KLHL14: variants seen among roughly 807,000 people sequenced by gnomAD.
KLHL14 encodes kelch like family member 14.
In KLHL14, 22 loss-of-function variants were observed where a neutral mutation model predicts 64.3. The ratio of observed to expected loss-of-function variants is 0.34; its 90% confidence interval spans 0.24 to 0.49. The LOEUF (loss-of-function observed/expected upper bound fraction) is 0.49. Ranked by LOEUF, KLHL14 falls within the 20% of genes least tolerant of loss-of-function variation. The probability of loss-of-function intolerance (pLI) is 0.99; values close to 1 mark genes in which losing one functional copy is unlikely to be tolerated. For synonymous variants in KLHL14, 322 were observed against 333.4 expected, an observed-to-expected ratio of 0.97 and a Z score of 0.37; for missense variants, 661 against 789.0, an observed-to-expected ratio of 0.84 and a Z score of 1.94.
chr18:32,687,863 C>G (rs1598549075), intron 4 of KLHL14, among the ~76,000 whole-genome samples: 3 of 152,166 alleles, frequency 2.0e-5, no homozygotes, highest in African/African-American at 7.2e-5. Context: ...ATAGCAGCCA[C>G]TACAAAAAGA....
chr18:32,674,781 G>A lies in KLHL14; in HGVS notation c.1763C>T (p.Ser588Phe), dbSNP rs1555659800. The change falls in exon 9 of 9, where the codon TCT (serine) becomes TTT (phenylalanine). Residue 588 changes from serine to phenylalanine, a missense_variant. Around this residue, in one of 2 missense-constraint regions of KLHL14, gnomAD observed 330 missense variants for 450.0 expected, o/e 0.73. Coordinates refer to ENST00000359358, the MANE Select transcript of KLHL14 (RefSeq NM_020805.3). The stretch of plus-strand genomic sequence containing the variant: ...TTTCTCTGGACAATAGCATATTGTA[G>A]ATGACTTGTAGGCCCCCTGTAATGA... ...YSWSMGAYKSSTICYCPEKGT... is the reference protein window; with the variant it reads ...YSWSMGAYKSFTICYCPEKGT... 1.3e-6 allele frequency: 1 copy of A among 780,728 alleles called. No individual in the cohort carries two copies. Among genetic ancestry groups the A allele is most frequent in the Non-Finnish European group, 2.4e-6 (1 of 417,986 alleles). 48.4% of individuals were successfully genotyped at this position (780,728 alleles called of 1,614,324 possible).
At chr18:32,677,125 G>T (rs758574436) in intron 8 of KLHL14, 48 bp downstream of exon 8, 13 of 1,574,282 alleles carry the variant, frequency 8.3e-6, no homozygotes, top group Non-Finnish European at 1.0e-5. Context: ...TACAGAAAAC[G>T]TAAGCACAAA....
intron 3 of KLHL14, among the ~76,000 whole-genome samples, chr18:32,718,390 G>A (rs542672584): frequency 1.3e-5 from 2 of 152,120 alleles, no homozygotes; most frequent in Non-Finnish European, 2.9e-5. Flanking sequence ...CATCACATTT[G>A]TATGTTGTTT....
chr18:32,718,342 G>A (rs771128515), intron 3 of KLHL14, among the ~76,000 whole-genome samples: 30 of 152,108 alleles, frequency 2.0e-4, no homozygotes, highest in Admixed American at 3.3e-4. Flanking sequence ...ATTCTGCCCT[G>A]TTTACATTAT....
rs960687690 is a variant in KLHL14, at chr18:32,673,325, G to C, written c.*1332C>G. On this transcript the variant is annotated 3_prime_UTR_variant, in exon 9 of 9. Coordinates refer to ENST00000359358, the MANE Select transcript of KLHL14 (RefSeq NM_020805.3). ...AAGGATTCAACACCATCTCTGGATGGTTAAAATATATTTTAGGCTTTTATT... is the reference window on the plus strand; with the variant it reads ...AAGGATTCAACACCATCTCTGGATGCTTAAAATATATTTTAGGCTTTTATT... The C allele has an allele frequency of 2.0e-5, 3 of 152,410 alleles. No homozygotes were observed. Among genetic ancestry groups the C allele is most frequent in the African/African-American group, 7.2e-5 (3 of 41,540 alleles). The allele number at this position is 152,410 out of a possible 1,614,324, so 9.4% of individuals were successfully genotyped here. A position where few individuals can be genotyped will look rare whatever the true frequency, so the allele number is the denominator to read the frequency against.
chr18:32,747,039 T>C (rs1006898150), intron 2 of KLHL14, among the ~76,000 whole-genome samples: 3 of 152,256 alleles, frequency 2.0e-5, no homozygotes, highest in African/African-American at 7.2e-5. Context: ...CTGATAGTTT[T>C]TTAAACAAGT....
chr18:32,686,053 C>G (rs2049876318), intron 5 of KLHL14, among the ~76,000 whole-genome samples: 1 of 150,252 alleles, frequency 6.7e-6, no homozygotes, highest in Non-Finnish European at 1.5e-5. Flanking sequence ...ACTTTGTTGC[C>G]CAGGCTGGAG....
intron 3 of KLHL14, among the ~76,000 whole-genome samples, chr18:32,726,399 G>A (rs532392356): frequency 3.9e-5 from 6 of 152,226 alleles, no homozygotes; most frequent in Admixed American, 6.5e-5. Context: ...AGAGGTGGGC[G>A]GATCACTTAA....
At chr18:32,713,849 A>G (rs923488020) in intron 3 of KLHL14, among the ~76,000 whole-genome samples, 2 of 152,188 alleles carry the variant, frequency 1.3e-5, no homozygotes, top group African/African-American at 4.8e-5. Flanking sequence ...TTTTGCTGTT[A>G]TAAACAACAC....
At chr18:32,684,807 C>T (rs2049864316) in intron 5 of KLHL14, among the ~76,000 whole-genome samples, 1 of 151,690 alleles carries the variant, frequency 6.6e-6, no homozygotes, top group African/African-American at 2.4e-5. Flanking sequence ...CTTTTTCCTC[C>T]TTTTTTAAAC....
In KLHL14 at chr18:32,680,160, A is replaced by G; in HGVS notation, c.1588+9T>C. 2 of 1,612,404 alleles carry G rather than the reference A, an allele frequency of 1.2e-6. No individual in the cohort carries two copies. Among genetic ancestry groups the G allele is most frequent in the Non-Finnish European group, 8.5e-7 (1 of 1,178,958 alleles). On this transcript the variant is annotated intron_variant, in intron 7 of 8. Transcript: ENST00000359358. The surrounding 1 kb of genome is among the most constrained non-coding windows in gnomAD (Gnocchi z 4.8). ...TTGTGACTAAAAAACAAAACAACAAAAAAAAGACCTTTCAAATGATTTCCT... is the reference window on the plus strand; with the variant it reads ...TTGTGACTAAAAAACAAAACAACAAGAAAAAGACCTTTCAAATGATTTCCT...
At chr18:32,704,913 G>A (rs1193343061) in intron 3 of KLHL14, among the ~76,000 whole-genome samples, 1 of 152,190 alleles carries the variant, frequency 6.6e-6, no homozygotes, top group Non-Finnish European at 1.5e-5. Context: ...AGGATACAGA[G>A]TACTCCAGGT....
chr18:32,731,310 CTTTCTA>C (rs1598567633), intron 3 of KLHL14, among the ~76,000 whole-genome samples: 1 of 152,126 alleles, frequency 6.6e-6, no homozygotes, highest in African/African-American at 2.4e-5. Flanking sequence ...CCAAAATTAT[CTTTCTA>C]TTTGTTTTGT....
chr18:32,701,686 G>A (rs1022482186), intron 3 of KLHL14, among the ~76,000 whole-genome samples: 1 of 152,158 alleles, frequency 6.6e-6, no homozygotes, highest in Non-Finnish European at 1.5e-5. Context: ...GTTGTAGGAG[G>A]GAAAGAAGGA....
chr18:32,724,292 T>C (rs1186929686), intron 3 of KLHL14, among the ~76,000 whole-genome samples: 1 of 152,082 alleles, frequency 6.6e-6, no homozygotes, highest in Non-Finnish European at 1.5e-5. Context: ...TTATTAAGGG[T>C]GAACCAATAA....
chr18:32,736,727 T>C (rs116584539), intron 3 of KLHL14, among the ~76,000 whole-genome samples: 1,671 of 152,206 alleles, frequency 0.011, 18 homozygotes, highest in African/African-American at 0.032. Context: ...TACTCCCTCT[T>C]GTCTTTTGGC....
intron 3 of KLHL14, among the ~76,000 whole-genome samples, chr18:32,728,998 A>G (rs2050121283): frequency 6.6e-6 from 1 of 152,224 alleles, no homozygotes; most frequent in Non-Finnish European, 1.5e-5. Context: ...TGAGAGAATG[A>G]ATTTCCATTG....
chr18:32,683,974 T>C lies in KLHL14; in HGVS notation c.1238+3181A>G, dbSNP rs1193297994. Among the ~76,000 whole-genome samples the C allele has an allele frequency of 3.3e-5, 5 of 152,226 alleles. No individual in the cohort carries two copies. The highest frequency in any genetic ancestry group is 2.6e-4 in the Admixed American group (4 of 15,280). On this transcript the variant is annotated intron_variant, in intron 5 of 8. Coordinates refer to ENST00000359358, the MANE Select transcript of KLHL14 (RefSeq NM_020805.3). The surrounding 1 kb of genome is among the most constrained non-coding windows in gnomAD (Gnocchi z 4.2). ...TTTTGACATATTAAGTTCTTGTCTT[T>C]TATTTACTCTGTGAAATAGAGGCTT...
At chr18:32,728,468 T>A (rs1030300605) in intron 3 of KLHL14, among the ~76,000 whole-genome samples, 9 of 152,238 alleles carry the variant, frequency 5.9e-5, no homozygotes, top group African/African-American at 2.2e-4. Flanking sequence ...TTTTGTTATA[T>A]CTTTTTCTTA....
Sources: allele counts gnomAD v4.1 joint callset (sites outside exome capture counted in the v4.1 genomes callset), GRCh38; gene constraint gnomAD v4.1.1; regional missense constraint gnomAD v4.1.1; non-coding constraint Gnocchi (gnomAD v3.1); transcripts MANE v1.5; gene names NCBI Gene and HGNC (gene_info 2026-07-23, HGNC 2026-07-21).